SLC7A2: variants seen among roughly 807,000 people sequenced by gnomAD.
The protein encoded by SLC7A2 is cationic amino acid transporter 2.
A neutral mutation model predicts 58.9 loss-of-function variants in SLC7A2; 48 were observed. The observed-to-expected ratio is 0.82, with a 90% confidence interval of 0.65 to 1.04. The LOEUF (loss-of-function observed/expected upper bound fraction) is 1.04. Among genes scored for constraint, SLC7A2 ranks in the 50% least tolerant of loss-of-function variants. SLC7A2 has a pLI of 0.00. For missense variants in SLC7A2, 1,029 were observed against 818.8 expected, an observed-to-expected ratio of 1.26 and a Z score of -3.13; for synonymous variants, 363 against 314.5, an observed-to-expected ratio of 1.15 and a Z score of -1.63.
At chr8:17,521,620 T>C (rs1034836554) in intron 2 of SLC7A2, among the ~76,000 whole-genome samples, 6 of 152,352 alleles carry the variant, frequency 3.9e-5, no homozygotes, top group African/African-American at 9.6e-5. Flanking sequence ...ACAGGGACTC[T>C]TCACAGGGAG....
chr8:17,540,606 G>T (rs1428708032), intron 2 of SLC7A2, among the ~76,000 whole-genome samples: 1 of 152,138 alleles, frequency 6.6e-6, no homozygotes, highest in Admixed American at 6.6e-5. Flanking sequence ...GTGTAATCTG[G>T]AGTGAATTAA....
At chr8:17,497,770 A>G (rs1189885120) in intron 1 of SLC7A2, among the ~76,000 whole-genome samples, 2 of 152,160 alleles carry the variant, frequency 1.3e-5, no homozygotes, top group African/African-American at 4.8e-5. Flanking sequence ...TCTGCAGGGG[A>G]CCTGGTAAAA....
In SLC7A2 at chr8:17,560,457, G is replaced by A. The variant is rs757597308; in HGVS notation, c.1428G>A (p.Met476Ile). 1 of 1,614,034 alleles carries A rather than the reference G, an allele frequency of 6.2e-7. No homozygotes were observed. Among genetic ancestry groups the A allele is most frequent in the Admixed American group, 1.7e-5 (1 of 59,988 alleles). The change falls in exon 10 of 13, where the codon ATG becomes ATA. Residue 476 changes from methionine to isoleucine, a missense_variant. Met to Ile is a conservative substitution (Grantham distance 10). Coordinates refer to ENST00000494857, the MANE Select transcript of SLC7A2 (RefSeq NM_001370338.1). ...VTMLQRQGFSMRTLFCPSLLP... is the reference protein window; with the variant it reads ...VTMLQRQGFSIRTLFCPSLLP... ...TGCTGCAGAGACAGGGCTTCAGCAT[G>A]CGGACCCTCTTCTGCCCCTCCCTTC... is the stretch of plus-strand genomic sequence containing the variant.
chr8:17,548,990 T>C, intron 5 of SLC7A2, 147 bp downstream of exon 5: 1 of 718,086 alleles, frequency 1.4e-6, no homozygotes, highest in South Asian at 2.0e-5. Flanking sequence ...GACTCACAGT[T>C]CCACATGGCT....
chr8:17,517,301 A>T lies in SLC7A2; in HGVS notation c.-23+14999A>T, dbSNP rs76467372. Among the ~76,000 whole-genome samples the T allele has an allele frequency of 9.5e-3, 1,446 of 152,340 alleles. 34 individuals are homozygous for T. Among genetic ancestry groups the T allele is most frequent in the Admixed American group, 0.057 (872 of 15,304 alleles). On this transcript the variant is annotated intron_variant, in intron 2 of 12. Coordinates refer to ENST00000494857, the MANE Select transcript of SLC7A2 (RefSeq NM_001370338.1). The stretch of plus-strand genomic sequence containing the variant: ...AATCCAGGCAAAATGAAACCACAAA[A>T]GATGTGATTTGTAGGGCCAGAAGAC...
chr8:17,552,746 A>C (rs1802512367), intron 7 of SLC7A2, among the ~76,000 whole-genome samples: 1 of 152,164 alleles, frequency 6.6e-6, no homozygotes, highest in Non-Finnish European at 1.5e-5. Context: ...ATACTTTAGA[A>C]CTCATTTCCC....
At chr8:17,535,296 C>G (rs1801616575) in intron 2 of SLC7A2, among the ~76,000 whole-genome samples, 1 of 152,126 alleles carries the variant, frequency 6.6e-6, no homozygotes, top group Admixed American at 6.5e-5. Flanking sequence ...CCCACCGCCC[C>G]CTCCCGCCCT....
chr8:17,543,790 G>A, intron 3 of SLC7A2, 75 bp downstream of exon 3: 2 of 1,334,042 alleles, frequency 1.5e-6, no homozygotes, highest in Non-Finnish European at 2.0e-6. Flanking sequence ...CTTAGGTTCA[G>A]TTGTAGGTGT....
intron 2 of SLC7A2, among the ~76,000 whole-genome samples, chr8:17,502,733 G>T (rs984137960): frequency 1.3e-5 from 2 of 152,094 alleles, no homozygotes; most frequent in South Asian, 2.1e-4. Flanking sequence ...ATCCTGGAAT[G>T]AGTCCATTTT....
intron 3 of SLC7A2, 93 bp downstream of exon 3, chr8:17,543,808 A>T (rs1802032864): frequency 8.9e-7 from 1 of 1,118,024 alleles, no homozygotes; most frequent in South Asian, 1.8e-5. Flanking sequence ...TGTTGGGTAC[A>T]TCACTTGATG....
chr8:17,509,109 AGTTC>A, intron 2 of SLC7A2, among the ~76,000 whole-genome samples: 1 of 152,234 alleles, frequency 6.6e-6, no homozygotes, highest in East Asian at 1.9e-4. Flanking sequence ...TGTAATTGAA[AGTTC>A]GAGTCATCTG....
In SLC7A2 at chr8:17,564,977, T is replaced by C. The variant is rs756551082; in HGVS notation, c.1808T>C (p.Ile603Thr). Reference protein sequence around the residue: ...IGFLIYFSYGIRHSLEGHLRD... With the variant: ...IGFLIYFSYGTRHSLEGHLRD... ...TTCCTGATTTACTTTTCTTATGGCA[T>C]TAGACACAGCCTGGAGGGTCATCTG... The change falls in exon 13 of 13, where the codon ATT becomes ACT. Residue 603 changes from isoleucine (I) to threonine (T), a missense_variant. Coordinates refer to ENST00000494857, the MANE Select transcript of SLC7A2 (RefSeq NM_001370338.1). The C allele has an allele frequency of 1.2e-6, 2 of 1,610,598 alleles. No individual in the cohort carries two copies. Among genetic ancestry groups the C allele is most frequent in the South Asian group, 2.2e-5 (2 of 90,280 alleles).
At chr8:17,524,188 CAG>C (rs1410258805) in intron 2 of SLC7A2, among the ~76,000 whole-genome samples, 7 of 152,106 alleles carry the variant, frequency 4.6e-5, no homozygotes. Flanking sequence ...CTATGGAAAA[CAG>C]TGTGGAGATT....
rs1043623767 is a variant in SLC7A2 at position 17,547,634 on chromosome 8, G to T, written c.533-1044G>T. ...AAAGTGTAGAAAGATATTTATAAAA[G>T]AATTATTATGTCAGTGCTATTTATA... On this transcript the variant is annotated intron_variant, in intron 4 of 12. Coordinates refer to ENST00000494857, the MANE Select transcript of SLC7A2 (RefSeq NM_001370338.1). 3.9e-5 allele frequency among the ~76,000 whole-genome samples: 6 copies of T among 152,140 alleles called. No homozygotes were observed. The East Asian group carries it at 1.2e-3, about 29-fold the overall frequency.
intron 8 of SLC7A2, chr8:17,555,181 TAAAA>T (rs1161021698): frequency 1.9e-6 from 2 of 1,072,750 alleles, no homozygotes; most frequent in Non-Finnish European, 2.6e-6. Flanking sequence ...GCATGTAAGT[TAAAA>T]AAAACAAAAT....
chr8:17,502,838 C>A (rs1800218074), intron 2 of SLC7A2, among the ~76,000 whole-genome samples: 1 of 152,092 alleles, frequency 6.6e-6, no homozygotes, highest in South Asian at 2.1e-4. Context: ...TGCTATAATA[C>A]CATGATTGGT....
intron 2 of SLC7A2, among the ~76,000 whole-genome samples, chr8:17,534,601 T>G (rs1199453333): frequency 1.3e-5 from 2 of 151,658 alleles, no homozygotes; most frequent in Non-Finnish European, 2.9e-5. Flanking sequence ...AGGAGCTCAG[T>G]GTGGAAATTT....
Position 17,565,058 on chromosome 8 carries a change from A to C in SLC7A2, c.1889A>C (p.Glu630Ala), listed in dbSNP as rs1414255473. 1 of 1,614,052 alleles carries C rather than the reference A, an allele frequency of 6.2e-7. No homozygotes were observed. The highest frequency in any genetic ancestry group is 1.1e-5 in the South Asian group (1 of 91,056). Residue 630 changes from glutamate to alanine, a missense_variant, in exon 13 of 13, where the codon GAA becomes GCA. Coordinates refer to ENST00000494857, the MANE Select transcript of SLC7A2 (RefSeq NM_001370338.1). ...CCAGACAACGTTCATGCAGCAGCAGAAGAAAAATCTGCCATTCAAGCAAAT... is the reference window on the plus strand; with the variant it reads ...CCAGACAACGTTCATGCAGCAGCAGCAGAAAAATCTGCCATTCAAGCAAAT... The part of the protein sequence containing the change: ...AYPDNVHAAA[E>A]EKSAIQANDH...
chr8:17,563,575 T>G (rs1803121994), intron 11 of SLC7A2, 28 bp from the exon 12 acceptor site: 1 of 1,348,984 alleles, frequency 7.4e-7, no homozygotes, highest in Non-Finnish European at 1.1e-6. Context: ...AATATGAGTA[T>G]GTTCAAAAGG....
Sources: allele counts gnomAD v4.1 joint callset (sites outside exome capture counted in the v4.1 genomes callset), GRCh38; gene constraint gnomAD v4.1.1; transcripts MANE v1.5; gene names NCBI Gene and HGNC (gene_info 2026-07-23, HGNC 2026-07-21).